TRMT9B: variants seen among roughly 807,000 people sequenced by gnomAD.
TRMT9B encodes tRNA methyltransferase 9B (putative), also known as probable tRNA methyltransferase 9B.
In TRMT9B, 16 loss-of-function variants were observed where a neutral mutation model predicts 11.5. The ratio of observed to expected loss-of-function variants is 1.39; its 90% CI spans 0.94 to 2.11. The LOEUF (loss-of-function observed/expected upper bound fraction) is 2.11, where lower values mean the gene tolerates loss of function less well. Among genes scored for constraint, TRMT9B ranks in the 30% most tolerant of loss-of-function variants. The pLI is 0.00. For missense variants in TRMT9B, 941 were observed against 553.8 expected (o/e 1.70, Z -7.02); for synonymous variants, 274 against 192.4 (o/e 1.42, Z -3.51).
intron 2 of TRMT9B, among the ~76,000 whole-genome samples, chr8:12,997,476 G>T (rs753467308): frequency 5.3e-5 from 8 of 152,088 alleles, no homozygotes; most frequent in African/African-American, 1.2e-4. Flanking sequence ...CAAACAAACT[G>T]CTTGTCCTTA....
At chr8:12,984,987 A>ACT (rs71207110) in intron 1 of TRMT9B, among the ~76,000 whole-genome samples, 290 of 129,192 alleles carry the variant, frequency 2.2e-3, no homozygotes, top group Middle Eastern at 0.015. Flanking sequence ...ACACACACAC[A>ACT]CTCTCTCTCT....
At chr8:13,004,484 G>A (rs7829150) in intron 2 of TRMT9B, among the ~76,000 whole-genome samples, 4,304 of 151,834 alleles carry the variant, frequency 0.028, 78 homozygotes, top group African/African-American at 0.045. Context: ...TTCAGCTGCG[G>A]TAGGATAGGG....
chr8:13,011,724 G>A, intron 3 of TRMT9B: 2 of 973,850 alleles, frequency 2.1e-6, no homozygotes, highest in Non-Finnish European at 2.4e-6. Flanking sequence ...CTACTGGAAA[G>A]TGAATATCAA....
chr8:13,021,001 T>C lies in TRMT9B; in HGVS notation c.329-7T>C. The C allele has an allele frequency of 6.6e-7, 1 of 1,520,792 alleles. No homozygotes were observed. The highest frequency in any genetic ancestry group is 8.8e-7 in the Non-Finnish European group (1 of 1,132,454). The allele number at this position is 1,520,792 out of a possible 1,614,324, so 94.2% of individuals were successfully genotyped here. On this transcript the variant is annotated splice_region_variant and splice_polypyrimidine_tract_variant and intron_variant, in intron 4 of 4. Transcript: ENST00000524591. ...TACACACTGAGATCTAGTTTTGTCTTTTTCAGTCATACATCATTTTTCTAC... is the reference window on the plus strand; with the variant it reads ...TACACACTGAGATCTAGTTTTGTCTCTTTCAGTCATACATCATTTTTCTAC...
At chr8:12,958,115 T>A (rs73204877) in intron 1 of TRMT9B, among the ~76,000 whole-genome samples, 3,898 of 152,278 alleles carry the variant, frequency 0.026, 65 homozygotes, top group Non-Finnish European at 0.031. Flanking sequence ...ATTTATTCCA[T>A]GTAGTATAAT....
intron 2 of TRMT9B, among the ~76,000 whole-genome samples, chr8:13,005,479 A>C (rs746388402): frequency 6.6e-6 from 1 of 152,246 alleles, no homozygotes; most frequent in Admixed American, 6.5e-5. Flanking sequence ...GGTGATGAAC[A>C]CCCCATTCTC....
intron 4 of TRMT9B, among the ~76,000 whole-genome samples, chr8:13,017,994 CATAAT>C (rs2128899865): frequency 1.3e-5 from 2 of 149,158 alleles, no homozygotes; most frequent in Non-Finnish European, 3.0e-5. Context: ...AAATATAAAA[CATAAT>C]ATGAACGACT....
intron 1 of TRMT9B, among the ~76,000 whole-genome samples, chr8:12,970,358 G>A (rs772777373): frequency 1.1e-4 from 17 of 152,066 alleles, no homozygotes; most frequent in East Asian, 1.9e-4. Context: ...CAACTTTTAC[G>A]TTGTCATGTA....
intron 1 of TRMT9B, among the ~76,000 whole-genome samples, chr8:12,975,724 C>CAA (rs1229215239): frequency 6.7e-6 from 1 of 148,160 alleles, no homozygotes. Flanking sequence ...GGCGACAGAG[C>CAA]AAGACTGTCT....
intron 1 of TRMT9B, among the ~76,000 whole-genome samples, chr8:12,973,837 T>C (rs1178331279): frequency 6.6e-6 from 1 of 152,144 alleles, no homozygotes; most frequent in Non-Finnish European, 1.5e-5. Context: ...CAGAGATCAC[T>C]GAACTCAGTT....
chr8:13,021,342 G>T lies in TRMT9B; in HGVS notation c.663G>T (p.Met221Ile). The T allele has an allele frequency of 6.2e-7, 1 of 1,613,996 alleles. No individual in the cohort carries two copies. Among genetic ancestry groups the T allele is most frequent in the Non-Finnish European group, 8.5e-7 (1 of 1,179,874 alleles). ...RSHSVGYEPA[M>I]ARTCFANISK... The stretch of plus-strand genomic sequence containing the variant: ...ACAGCGTGGGCTATGAACCTGCTAT[G>T]GCAAGAACCTGTTTTGCAAATATTT... The change falls in exon 5 of 5, where the codon ATG (methionine) becomes ATT (isoleucine). Residue 221 changes from methionine (M) to isoleucine (I), a missense_variant. Met to Ile is a conservative substitution (Grantham distance 10). Coordinates refer to ENST00000524591, the MANE Select transcript of TRMT9B (RefSeq NM_020844.3).
At chr8:12,983,610 C>G (rs1585200374) in intron 1 of TRMT9B, among the ~76,000 whole-genome samples, 1 of 152,116 alleles carries the variant, frequency 6.6e-6, no homozygotes, top group Non-Finnish European at 1.5e-5. Flanking sequence ...GCGGAGGTAG[C>G]AGTGAGCCAA....
chr8:12,991,003 A>G lies in TRMT9B; in HGVS notation c.-30A>G, dbSNP rs1807235733. The G allele has an allele frequency of 7.8e-7, 1 of 1,275,824 alleles. No individual in the cohort carries two copies. Among genetic ancestry groups the G allele is most frequent in the Non-Finnish European group, 1.0e-6 (1 of 980,978 alleles). 79.0% of individuals were successfully genotyped at this position (1,275,824 alleles called of 1,614,324 possible). A position where few individuals can be genotyped will look rare whatever the true frequency, so the allele number is the denominator to read the frequency against. The stretch of plus-strand genomic sequence containing the variant: ...GCCGTGATTCACAAAGACAAGAGGT[A>G]ATTTTCCTGTAATCACAGGATGACT... On this transcript the variant is annotated 5_prime_UTR_variant, in exon 2 of 5. The change abolishes the stop of an existing upstream ORF in the 5' untranslated region. Coordinates refer to ENST00000524591, the MANE Select transcript of TRMT9B (RefSeq NM_020844.3).
intron 1 of TRMT9B, among the ~76,000 whole-genome samples, chr8:12,987,252 A>T (rs1568464): frequency 0.88 from 133,797 of 152,258 alleles, 58,904 homozygotes; most frequent in Middle Eastern, 0.9. Context: ...TAGTTCCTAT[A>T]TTATATAGTT....
intron 1 of TRMT9B, among the ~76,000 whole-genome samples, chr8:12,974,123 ATC>A (rs1804056907): frequency 6.6e-6 from 1 of 152,090 alleles, no homozygotes; most frequent in Admixed American, 6.6e-5. Context: ...GTGAGCCAAG[ATC>A]GCACCGATGC....
chr8:13,005,717 G>T (rs1362631593), intron 2 of TRMT9B, among the ~76,000 whole-genome samples: 1 of 152,130 alleles, frequency 6.6e-6, no homozygotes, highest in African/African-American at 2.4e-5. Flanking sequence ...TAAAGAAATG[G>T]GCACCTATAC....
intron 3 of TRMT9B, among the ~76,000 whole-genome samples, chr8:13,008,110 T>C (rs933787661): frequency 1.3e-5 from 2 of 152,192 alleles, no homozygotes; most frequent in Non-Finnish European, 2.9e-5. Flanking sequence ...AATTTACCAA[T>C]GTATAAGCTT....
intron 1 of TRMT9B, among the ~76,000 whole-genome samples, chr8:12,972,490 A>G (rs1186573942): frequency 1.3e-5 from 2 of 152,210 alleles, no homozygotes; most frequent in East Asian, 3.9e-4. Context: ...TGCCGCTGCC[A>G]GGGTGAAGGG....
At position 13,029,753 on chromosome 8, in the gene TRMT9B, T is replaced by A. The variant is rs1230803168; in HGVS notation, c.*7709T>A. 2 of 152,596 alleles carry A rather than the reference T, an allele frequency of 1.3e-5. No homozygotes were observed. The highest frequency in any genetic ancestry group is 4.8e-5 in the African/African-American group (2 of 41,478). The allele number at this position is 152,596 out of a possible 1,614,324, so 9.5% of individuals were successfully genotyped here. A position where few individuals can be genotyped will look rare whatever the true frequency, so the allele number is the denominator to read the frequency against. On this transcript the variant is annotated 3_prime_UTR_variant, in exon 5 of 5. Transcript: ENST00000524591. ...CCAAAAAGACATATTTTGAGATTAA[T>A]AAAGATGTATTAGATTATCCAAAAG...
Sources: allele counts gnomAD v4.1 joint callset (sites outside exome capture counted in the v4.1 genomes callset), GRCh38; gene constraint gnomAD v4.1.1; transcripts MANE v1.5; gene names NCBI Gene and HGNC (gene_info 2026-07-23, HGNC 2026-07-21).